The following GRIN2C variants were observed in gnomAD, a reference collection of about 807,000 sequenced individuals.
GRIN2C encodes the protein glutamate ionotropic receptor NMDA type subunit 2C.
A neutral mutation model predicts 77.7 loss-of-function variants in GRIN2C; 64 were observed. The observed-to-expected ratio is 0.82, with a 90% CI of 0.67 to 1.01. The LOEUF is 1.01. Ranked by LOEUF, GRIN2C falls within the 50% of genes least tolerant of loss-of-function variation. The probability of loss-of-function intolerance (pLI) is 0.00; values close to 1 mark genes in which losing one functional copy is unlikely to be tolerated. For synonymous variants in GRIN2C, 792 were observed against 643.4 expected (o/e 1.23, Z -3.49); for missense variants, 1,549 against 1,486.0 (o/e 1.04, Z -0.70).
At chr17:74,851,058 C>T in intron 4 of GRIN2C, 1 of 500,046 alleles carries the variant, frequency 2.0e-6, no homozygotes, top group South Asian at 2.6e-5. Flanking sequence ...GCCCTTCATG[C>T]TCCAAACCCT....
At position 74,849,673 on chromosome 17, in the gene GRIN2C, T is replaced by C; in HGVS notation, c.1645+107A>G. Reference sequence around the variant, plus strand: ...CCTCCAAGACCCAAGGCTGCTGTGCTTGGCCTGTGAGAGCCCACCCAACTC... The same window carrying C: ...CCTCCAAGACCCAAGGCTGCTGTGCCTGGCCTGTGAGAGCCCACCCAACTC... On this transcript the variant is annotated intron_variant, in intron 7 of 12. Coordinates refer to ENST00000293190, the MANE Select transcript of GRIN2C (RefSeq NM_000835.6). This position sits in a 1 kb window ranked among gnomAD's most constrained non-coding sequence, Gnocchi z 4.6. The C allele has an allele frequency of 9.7e-7, 1 of 1,030,940 alleles. No individual in the cohort carries two copies. The allele number at this position is 1,030,940 out of a possible 1,614,324, so 63.9% of individuals were successfully genotyped here. A position where few individuals can be genotyped will look rare whatever the true frequency, so the allele number is the denominator to read the frequency against.
In GRIN2C at chr17:74,842,116, A is replaced by C. The variant is rs932262787; in HGVS notation, c.*319T>G. ...ATCGGGATGGCCCTGCCTCAACCACAAGTTCCAGCCTCCATGCCCACAGCA... is the reference window on the plus strand; with the variant it reads ...ATCGGGATGGCCCTGCCTCAACCACCAGTTCCAGCCTCCATGCCCACAGCA... On this transcript the variant is annotated 3_prime_UTR_variant, in exon 13 of 13. Transcript: ENST00000293190. 1.5e-5 allele frequency: 5 copies of C among 335,018 alleles called. 1 individual carries two copies. The highest frequency in any genetic ancestry group is 1.2e-4 in the South Asian group (3 of 25,154). 20.8% of individuals were successfully genotyped at this position (335,018 alleles called of 1,614,324 possible).
Position 74,852,169 on chromosome 17 carries a change from C to T in GRIN2C, c.842G>A (p.Trp281Ter). ...CACCTTCTGGCGCAGGCTGAGGCGC[C>T]AGCTCTCGGTGACGACGCTGATGAG... ...VGLISVVTES[W>*]RLSLRQKVRD... is the part of the protein sequence containing the mutation. The change falls in exon 3 of 13, where the codon TGG becomes TAG. Residue 281 changes from tryptophan (W) to a stop codon, truncating the protein, a stop_gained. Coordinates refer to ENST00000293190, the MANE Select transcript of GRIN2C (RefSeq NM_000835.6). LOFTEE classifies it high-confidence loss of function. 6.8e-7 allele frequency: 1 copy of T among 1,460,586 alleles called. No individual in the cohort carries two copies. Among genetic ancestry groups the T allele is most frequent in the Non-Finnish European group, 9.0e-7 (1 of 1,108,032 alleles). 90.5% of individuals were successfully genotyped at this position (1,460,586 alleles called of 1,614,324 possible). A position where few individuals can be genotyped will look rare whatever the true frequency, so the allele number is the denominator to read the frequency against.
chr17:74,860,575 C>A (rs1350468143), upstream of GRIN2C: 2 of 445,284 alleles, frequency 4.5e-6, no homozygotes, highest in South Asian at 1.6e-5. Context: ...CCCTCCCCGC[C>A]GTCGGGGATC....
In GRIN2C at chr17:74,859,087, T is replaced by C. The variant is rs891475945; in HGVS notation, c.-16+657A>G. The stretch of plus-strand genomic sequence containing the variant: ...CCTCCATTCTGCCCTGCGGCAGGTG[T>C]GTGTGCACTCATTAACACCCTGCCC... On this transcript the variant is annotated intron_variant, in intron 1 of 12. Transcript: ENST00000293190. The surrounding 1 kb of genome is among the most constrained non-coding windows in gnomAD (Gnocchi z 5.9). Among the ~76,000 whole-genome samples, 1 of 152,096 alleles carries C rather than the reference T, an allele frequency of 6.6e-6. No individual in the cohort carries two copies. Among genetic ancestry groups the C allele is most frequent in the Non-Finnish European group, 1.5e-5 (1 of 68,006 alleles).
intron 2 of GRIN2C, 86 bp downstream of exon 2, chr17:74,854,608 A>T: frequency 8.7e-7 from 1 of 1,154,598 alleles, no homozygotes; most frequent in Non-Finnish European, 1.3e-6. Flanking sequence ...ATCCCGTCTA[A>T]TCCCAGCTTC....
intron 12 of GRIN2C, chr17:74,843,928 C>T: frequency 2.1e-6 from 1 of 469,842 alleles, no homozygotes; most frequent in Non-Finnish European, 3.7e-6. Flanking sequence ...GGCTGGAGTG[C>T]AGTGGTGCCA....
At position 74,851,430 on chromosome 17, in the gene GRIN2C, G is replaced by A. The variant is rs1280609213; in HGVS notation, c.1113+147C>T. ...CCCCGGGGCACCTGGAGGCTTCCCA[G>A]TGGAGGAGATGTTTGTTTCAGCTGA... On this transcript the variant is annotated intron_variant, in intron 4 of 12. Coordinates refer to ENST00000293190, the MANE Select transcript of GRIN2C (RefSeq NM_000835.6). 3 of 605,836 alleles carry A rather than the reference G, an allele frequency of 5.0e-6. No homozygotes were observed. In the African/African-American group the frequency reaches 5.6e-5, roughly 11 times the overall value. 37.5% of individuals were successfully genotyped at this position (605,836 alleles called of 1,614,324 possible). A position where few individuals can be genotyped will look rare whatever the true frequency, so the allele number is the denominator to read the frequency against.
In GRIN2C at chr17:74,855,073, G is replaced by C; in HGVS notation, c.20C>G (p.Pro7Arg). MGGALGPALLLTSLFGA... is the reference protein window; with the variant it reads MGGALGRALLLTSLFGA... ...GAAGAGCGAGGTGAGCAACAGGGCC[G>C]GCCCCAGGGCCCCACCCATGTCCAC... The change falls in exon 2 of 13, where the codon CCG (proline) becomes CGG (arginine). Residue 7 changes from proline to arginine, a missense_variant. This residue lies in a region of GRIN2C where 382 missense variants were observed against 360.0 expected (regional missense o/e 1.06). Transcript: ENST00000293190. 1 of 1,589,198 alleles carries C rather than the reference G, an allele frequency of 6.3e-7. No individual in the cohort carries two copies. The highest frequency in any genetic ancestry group is 8.5e-7 in the Non-Finnish European group (1 of 1,173,840).
In GRIN2C at chr17:74,859,435, C is replaced by T. The variant is rs1051515146; in HGVS notation, c.-16+309G>A. ...CCGCTCACATCTGAGATACCGATGG[C>T]TCTCCCTCTCCCAGGCTAGGAAACT... On this transcript the variant is annotated intron_variant, in intron 1 of 12. Transcript: ENST00000293190. The surrounding 1 kb of genome is among the most constrained non-coding windows in gnomAD (Gnocchi z 5.9). 6.6e-6 allele frequency among the ~76,000 whole-genome samples: 1 copy of T among 152,106 alleles called. No individual in the cohort carries two copies. Among genetic ancestry groups the T allele is most frequent in the Non-Finnish European group, 1.5e-5 (1 of 68,010 alleles).
chr17:74,849,970 C>T lies in GRIN2C; in HGVS notation c.1492-37G>A, dbSNP rs763925821. On this transcript the variant is annotated intron_variant, in intron 6 of 12. Coordinates refer to ENST00000293190, the MANE Select transcript of GRIN2C (RefSeq NM_000835.6). The surrounding 1 kb of genome is among the most constrained non-coding windows in gnomAD (Gnocchi z 4.6). ...ACGCCACGGAGGTTTGAAAAAGGGG[C>T]TCCCGTGGGGTGGACACGCTGCACA... 3.3e-5 allele frequency: 53 copies of T among 1,596,318 alleles called. No homozygotes were observed. Among genetic ancestry groups the T allele is most frequent in the Non-Finnish European group, 4.3e-5 (51 of 1,172,730 alleles).
exon 1 of GRIN2C, chr17:74,859,883 TGCGGCGGCG>T (rs71157101): frequency 3.1e-4 from 52 of 165,706 alleles, 1 homozygote; most frequent in Middle Eastern, 2.7e-3. This position sits in a 1 kb window ranked among gnomAD's most constrained non-coding sequence, Gnocchi z 5.9. Flanking sequence ...ACACTCGCGA[TGCGGCGGCG>T]GCGGCGGCGG....
rs747611125 is a variant in GRIN2C, at chr17:74,844,364, A to G, written c.2495T>C (p.Val832Ala). The part of the protein sequence containing the change: ...LLVAMGLALL[V>A]FAWEHLVYWK... Reference sequence around the variant, plus strand: ...GTAGACCAGGTGCTCCCAGGCGAAGACCAGCAGGGCCAGCCCCATGGCCAC... The same window carrying G: ...GTAGACCAGGTGCTCCCAGGCGAAGGCCAGCAGGGCCAGCCCCATGGCCAC... Residue 832 changes from valine to alanine, a missense_variant, in exon 12 of 13, where the codon GTC (valine) becomes GCC (alanine). Val to Ala is a moderately conservative substitution (Grantham distance 64). Transcript: ENST00000293190. The G allele has an allele frequency of 3.1e-6, 5 of 1,614,142 alleles. No homozygotes were observed. In the South Asian group the frequency reaches 4.4e-5, roughly 14 times the overall value.
At chr17:74,854,649 G>A in intron 2 of GRIN2C, 45 bp downstream of exon 2, 1 of 1,546,986 alleles carries the variant, frequency 6.5e-7, no homozygotes, top group Non-Finnish European at 8.9e-7. Context: ...ACCCCAGCCT[G>A]GTTCCAGGCC....
rs73997511 is a variant in GRIN2C, at chr17:74,854,501, T to G, written c.399+193A>C. On this transcript the variant is annotated intron_variant, in intron 2 of 12. Transcript: ENST00000293190. ...CCCCTCATCCAGACACAATGTGAGG[T>G]CAGCCCAGAATATCTCTCCTCTAGA... The G allele has an allele frequency of 8.8e-3, 4,966 of 562,146 alleles. 176 individuals carry two copies. The highest frequency in any genetic ancestry group is 0.076 in the African/African-American group (4,065 of 53,208). The allele number at this position is 562,146 out of a possible 1,614,324, so 34.8% of individuals were successfully genotyped here. A position where few individuals can be genotyped will look rare whatever the true frequency, so the allele number is the denominator to read the frequency against.
At position 74,850,636 on chromosome 17, in the gene GRIN2C, G is replaced by A. The variant is rs768674628; in HGVS notation, c.1245C>T (p.Ile415=). The A allele has an allele frequency of 1.4e-5, 22 of 1,613,526 alleles. No homozygotes were observed. The East Asian group carries it at 1.8e-4, about 13-fold the overall frequency. ...CTGTGCCAGGGTCAGGGCTCTCCAC[G>A]ATGACAAAGGGCCGCTCTTCCAGCG... ...VATLEERPFV[I]VESPDPGTGG... The change falls in exon 5 of 13, where the codon ATC becomes ATT. Residue 415 remains isoleucine (I), a synonymous_variant. Transcript: ENST00000293190. The surrounding 1 kb of genome is among the most constrained non-coding windows in gnomAD (Gnocchi z 5.3).
At chr17:74,856,075 G>A (rs373118138) in intron 1 of GRIN2C, among the ~76,000 whole-genome samples, 1 of 152,210 alleles carries the variant, frequency 6.6e-6, no homozygotes, top group Non-Finnish European at 1.5e-5. Flanking sequence ...GGCCTGACAC[G>A]TATCCTTGCT....
rs2037304562 is a variant in GRIN2C at position 74,842,176 on chromosome 17, G to C, written c.*259C>G. Reference sequence around the variant, plus strand: ...AGTAACTGGCTAGCCCCAGGGAAGGGAGAGCCTCAGGAGTCTGACCCCCAC... The same window carrying C: ...AGTAACTGGCTAGCCCCAGGGAAGGCAGAGCCTCAGGAGTCTGACCCCCAC... On this transcript the variant is annotated 3_prime_UTR_variant, in exon 13 of 13. Coordinates refer to ENST00000293190, the MANE Select transcript of GRIN2C (RefSeq NM_000835.6). The C allele has an allele frequency of 2.2e-6, 1 of 454,210 alleles. No homozygotes were observed. The highest frequency in any genetic ancestry group is 2.1e-5 in the African/African-American group (1 of 48,772). The allele number at this position is 454,210 out of a possible 1,614,324, so 28.1% of individuals were successfully genotyped here.
At chr17:74,843,998 T>C (rs1032057049) in intron 12 of GRIN2C, 11 of 579,568 alleles carry the variant, frequency 1.9e-5, no homozygotes, top group African/African-American at 1.5e-4. Context: ...TTCAGCCTCC[T>C]GAGTAGCTGG....
Sources: allele counts gnomAD v4.1 joint callset (sites outside exome capture counted in the v4.1 genomes callset), GRCh38; gene constraint gnomAD v4.1.1; regional missense constraint gnomAD v4.1.1; non-coding constraint Gnocchi (gnomAD v3.1); transcripts MANE v1.5; gene names NCBI Gene and HGNC (gene_info 2026-07-23, HGNC 2026-07-21).